The following HMCN1 variants were observed in gnomAD, a reference collection of about 807,000 sequenced individuals.
HMCN1 encodes the protein hemicentin-1.
Under a neutral mutation model 625.9 loss-of-function variants are expected in HMCN1, and 321 were observed. The ratio of observed to expected loss-of-function variants is 0.51; its 90% CI spans 0.47 to 0.56. HMCN1 has a LOEUF of 0.56. HMCN1 is among the 20% of genes least tolerant of loss of function. HMCN1 has a pLI of 0.00. For missense variants in HMCN1, 6,588 were observed against 6,887.3 expected (o/e 0.96, Z 1.54); for synonymous variants, 2,425 against 2,417.6 (o/e 1.00, Z -0.09).
intron 1 of HMCN1, among the ~76,000 whole-genome samples, chr1:185,784,328 G>C (rs1283282847): frequency 6.6e-6 from 1 of 152,070 alleles, no homozygotes; most frequent in Admixed American, 6.5e-5. Context: ...ACTCTGCCTT[G>C]GCTCACGTTT....
At chr1:185,938,025 A>G (rs576605637) in intron 11 of HMCN1, among the ~76,000 whole-genome samples, 1 of 151,742 alleles carries the variant, frequency 6.6e-6, no homozygotes, top group Admixed American at 6.6e-5. Context: ...AGGAGAATTT[A>G]TACTATATAA....
chr1:186,126,881 C>T (rs1447971084), intron 82 of HMCN1, among the ~76,000 whole-genome samples: 1 of 152,020 alleles, frequency 6.6e-6, no homozygotes, highest in Non-Finnish European at 1.5e-5. Context: ...GTTACGTTGG[C>T]TGTTGTGATG....
rs553801504 is a variant in HMCN1 at position 185,911,457 on chromosome 1, A to G, written c.794-217A>G. On this transcript the variant is annotated intron_variant, in intron 5 of 106. Transcript: ENST00000271588. ...TTTTGAGCTATGGGTATAAGTGTCA[A>G]TCAGGTCATAAGATACTGGAAATTG... Among the ~76,000 whole-genome samples, 4 of 152,310 alleles carry G rather than the reference A, an allele frequency of 2.6e-5. No homozygotes were observed. The East Asian group carries it at 5.8e-4, about 22-fold the overall frequency.
At chr1:186,142,136 C>A (rs1650006797) in intron 89 of HMCN1, among the ~76,000 whole-genome samples, 1 of 152,108 alleles carries the variant, frequency 6.6e-6, no homozygotes, top group Non-Finnish European at 1.5e-5. Context: ...ATTTATTTTT[C>A]TAAACCTCTT....
chr1:185,882,556 A>T (rs1664374682), intron 4 of HMCN1, among the ~76,000 whole-genome samples: 1 of 152,080 alleles, frequency 6.6e-6, no homozygotes, highest in African/African-American at 2.4e-5. Flanking sequence ...GGTAGTTGCC[A>T]CAAAAAAATG....
rs181958317 is a variant in HMCN1, at chr1:186,015,744, C to A, written c.4910-214C>A. On this transcript the variant is annotated intron_variant, in intron 31 of 106. Transcript: ENST00000271588. ...TTCTCTACTATTTGTCCTTTATAAG[C>A]CAGAAAGTCCAGAGTTTCCAGAATA... Among the ~76,000 whole-genome samples the A allele has an allele frequency of 2.4e-3, 372 of 152,182 alleles. 3 individuals are homozygous for A. The highest frequency in any genetic ancestry group is 8.5e-3 in the African/African-American group (354 of 41,538).
At chr1:186,017,330 A>G (rs1182658437) in intron 33 of HMCN1, among the ~76,000 whole-genome samples, 1 of 152,070 alleles carries the variant, frequency 6.6e-6, no homozygotes, top group East Asian at 1.9e-4. Flanking sequence ...TGTATGGTAT[A>G]GAAATTACAT....
intron 41 of HMCN1, among the ~76,000 whole-genome samples, chr1:186,048,365 T>C (rs1656718040): frequency 6.6e-6 from 1 of 152,184 alleles, no homozygotes; most frequent in Admixed American, 6.6e-5. Context: ...GTAATATTAT[T>C]GGTCTCAAGA....
chr1:186,082,781 A>T, intron 56 of HMCN1, 84 bp from the exon 57 acceptor site: 1 of 655,338 alleles, frequency 1.5e-6, no homozygotes, highest in Non-Finnish European at 2.5e-6. Flanking sequence ...GAAATAATAT[A>T]TATTATTTAT....
chr1:186,087,896 T>C (rs1659609184), intron 60 of HMCN1, 36 bp from the exon 61 acceptor site: 2 of 1,556,134 alleles, frequency 1.3e-6, no homozygotes, highest in African/African-American at 1.4e-5. Flanking sequence ...ATCTATAACT[T>C]AATGGAGCAC....
chr1:185,790,786 C>G (rs142232758), intron 1 of HMCN1, among the ~76,000 whole-genome samples: 2 of 152,330 alleles, frequency 1.3e-5, no homozygotes, highest in South Asian at 4.1e-4. Flanking sequence ...CAGAGTGATA[C>G]TGCCCTGGGT....
chr1:186,020,098 G>T (rs1226970783), intron 35 of HMCN1, among the ~76,000 whole-genome samples: 1 of 151,842 alleles, frequency 6.6e-6, no homozygotes, highest in Non-Finnish European at 1.5e-5. Flanking sequence ...ATATTTTTAA[G>T]AATTAGTTTA....
chr1:185,991,832 C>T (rs1038695949), intron 22 of HMCN1, among the ~76,000 whole-genome samples: 1 of 152,126 alleles, frequency 6.6e-6, no homozygotes, highest in Non-Finnish European at 1.5e-5. Flanking sequence ...CAAACTCCTG[C>T]TTCCAGCTTT....
chr1:185,990,494 G>A, intron 22 of HMCN1, 51 bp downstream of exon 22: 2 of 1,495,414 alleles, frequency 1.3e-6, no homozygotes, highest in East Asian at 2.3e-5. Flanking sequence ...TCAACCTCTT[G>A]GGACAGATGG....
At chr1:185,974,685 G>C (rs1315043735) in intron 15 of HMCN1, among the ~76,000 whole-genome samples, 2 of 152,154 alleles carry the variant, frequency 1.3e-5, no homozygotes, top group Non-Finnish European at 2.9e-5. Context: ...GCTGTATTAG[G>C]AGTTGCTTCA....
At chr1:186,144,443 C>G (rs949154381) in intron 90 of HMCN1, 90 bp from the exon 91 acceptor site, 3 of 1,605,812 alleles carry the variant, frequency 1.9e-6, no homozygotes, top group African/African-American at 1.3e-5. Context: ...ACTGTGCCCA[C>G]AAGAACATCT....
At chr1:186,177,964 G>A (rs1331996020) in intron 103 of HMCN1, among the ~76,000 whole-genome samples, 1 of 151,920 alleles carries the variant, frequency 6.6e-6, no homozygotes, top group Non-Finnish European at 1.5e-5. Flanking sequence ...AAAGCTTAGT[G>A]TAGTATTTCT....
chr1:185,926,467 G>A (rs1479515570), intron 9 of HMCN1, among the ~76,000 whole-genome samples: 1 of 152,086 alleles, frequency 6.6e-6, no homozygotes, highest in Non-Finnish European at 1.5e-5. Flanking sequence ...ATAACTAGCT[G>A]GTGAAATCAA....
intron 46 of HMCN1, among the ~76,000 whole-genome samples, chr1:186,058,624 G>A (rs1366507536): frequency 1.3e-5 from 2 of 151,806 alleles, no homozygotes; most frequent in Non-Finnish European, 2.9e-5. Flanking sequence ...AGTTCCAGAG[G>A]TTAAAAGTAA....
Sources: gnomAD v4.1 joint callset for allele counts (sites outside exome capture counted in the v4.1 genomes callset) on GRCh38, gnomAD v4.1.1 for gene constraint, MANE v1.5 for transcripts, NCBI Gene and HGNC (gene_info 2026-07-23, HGNC 2026-07-21) for gene names.